Variants in BHLHE40 observed in about 807,000 individuals in gnomAD.
BHLHE40 encodes basic helix-loop-helix family member e40.
In BHLHE40, 3 loss-of-function variants were observed where a neutral mutation model predicts 35.7. That is an observed-to-expected ratio of 0.08 (90% confidence interval 0.04 to 0.22). BHLHE40 has a LOEUF of 0.22. Ranked by LOEUF, BHLHE40 falls within the 10% of genes least tolerant of loss-of-function variation. The pLI is 1.00. For synonymous variants in BHLHE40, 236 were observed against 213.0 expected (o/e 1.11, Z -0.94); for missense variants, 486 against 524.0 (o/e 0.93, Z 0.71).
chr3:4,981,360 C>A (rs778614032), intron 3 of BHLHE40, 32 bp from the exon 4 acceptor site: 1 of 1,611,390 alleles, frequency 6.2e-7, no homozygotes, highest in African/African-American at 1.3e-5. Flanking sequence ...CTTCTCTGAC[C>A]TCACCGCTGA....
At position 4,985,109 on chromosome 3, in the gene BHLHE40, TTATC is replaced by T. The variant is rs1312313257; in HGVS notation, c.*1421_*1424del. On this transcript the variant is annotated 3_prime_UTR_variant, in exon 5 of 5. Coordinates refer to ENST00000256495, the MANE Select transcript of BHLHE40 (RefSeq NM_003670.3). ...TGAAGGTGTAAAATTGTAAATATTTTTATCTATGAGTAAATGTTAAGTAGTTGTT... is the reference window on the plus strand; with the variant it reads ...TGAAGGTGTAAAATTGTAAATATTTTTATGAGTAAATGTTAAGTAGTTGTT... The T allele has an allele frequency of 5.9e-5, 9 of 152,564 alleles. No individual in the cohort carries two copies. The highest frequency in any genetic ancestry group is 2.2e-4 in the African/African-American group (9 of 41,436). 9.5% of individuals were successfully genotyped at this position (152,564 alleles called of 1,614,324 possible).
At position 4,983,493 on chromosome 3, in the gene BHLHE40, C is replaced by T; in HGVS notation, c.1040C>T (p.Ser347Leu). The T allele has an allele frequency of 6.2e-7, 1 of 1,614,190 alleles. No individual in the cohort carries two copies. Among genetic ancestry groups the T allele is most frequent in the Non-Finnish European group, 8.5e-7 (1 of 1,180,040 alleles). ...PMLEKCWYPT[S>L]VPVLYPGLNA... ...CTGGAGAAGTGCTGGTATCCCACCT[C>T]AGTGCCAGTGCTATACCCAGGCCTC... Residue 347 changes from serine to leucine, a missense_variant, in exon 5 of 5, where the codon TCA becomes TTA. Around this residue, in one of 5 missense-constraint regions of BHLHE40, gnomAD observed 206 missense variants for 208.9 expected, o/e 0.99. Coordinates refer to ENST00000256495, the MANE Select transcript of BHLHE40 (RefSeq NM_003670.3). This position sits in a 1 kb window ranked among gnomAD's most constrained non-coding sequence, Gnocchi z 5.0.
Position 4,982,891 on chromosome 3 carries a change from C to T in BHLHE40, c.438C>T (p.Phe146=), listed in dbSNP as rs761289332. Reference sequence around the variant, plus strand: ...GTCAAGAGATGTTCTGCTCAGGTTTCCAGACATGTGCCCGGGAGGTGCTTC... The same window carrying T: ...GTCAAGAGATGTTCTGCTCAGGTTTTCAGACATGTGCCCGGGAGGTGCTTC... ...ETGQEMFCSG[F]QTCAREVLQY... Residue 146 remains phenylalanine, a synonymous_variant, in exon 5 of 5, where the codon TTC becomes TTT. Transcript: ENST00000256495. The T allele has an allele frequency of 3.1e-6, 5 of 1,614,168 alleles. No individual in the cohort carries two copies. Among genetic ancestry groups the T allele is most frequent in the Non-Finnish European group, 8.5e-7 (1 of 1,180,040 alleles).
intron 2 of BHLHE40, 95 bp from the exon 3 acceptor site, chr3:4,980,206 C>T (rs1307840557): frequency 6.5e-6 from 8 of 1,229,234 alleles, no homozygotes; most frequent in East Asian, 4.7e-5. Context: ...TACTCTGCTA[C>T]TCTGCTCCTC....
At position 4,979,580 on chromosome 3, in the gene BHLHE40, G is replaced by A; in HGVS notation, c.-139G>A. 1.1e-6 allele frequency: 1 copy of A among 879,226 alleles called. No homozygotes were observed. The highest frequency in any genetic ancestry group is 1.7e-6 in the Non-Finnish European group (1 of 582,758). 54.5% of individuals were successfully genotyped at this position (879,226 alleles called of 1,614,324 possible). ...CTGCATCTCAAAGCCGAAGATTCCA[G>A]CAGCCCAGGGGATTTCAAAGAGCTC... On this transcript the variant is annotated 5_prime_UTR_variant, in exon 1 of 5. Transcript: ENST00000256495.
chr3:4,980,348 C>G lies in BHLHE40; in HGVS notation c.198C>G (p.Asp66Glu). Residue 66 changes from aspartate to glutamate, a missense_variant, in exon 3 of 5, where the codon GAC becomes GAG. This residue lies in a region of BHLHE40 where 11 missense variants were observed against 43.3 expected (regional missense o/e 0.25). Transcript: ENST00000256495. ...GGCTCATCGAGAAAAAGAGACGTGA[C>G]CGGATTAACGAGTGCATCGCCCAGC... is the stretch of plus-strand genomic sequence containing the variant. ...PHRLIEKKRRDRINECIAQLK... is the reference protein window; with the variant it reads ...PHRLIEKKRRERINECIAQLK... 1 of 1,614,138 alleles carries G rather than the reference C, an allele frequency of 6.2e-7. No individual in the cohort carries two copies. The highest frequency in any genetic ancestry group is 8.5e-7 in the Non-Finnish European group (1 of 1,180,006).
At chr3:4,979,820 C>G (rs781455472) in intron 1 of BHLHE40, 22 bp downstream of exon 1, 1 of 1,589,022 alleles carries the variant, frequency 6.3e-7, no homozygotes, top group East Asian at 2.3e-5. Context: ...CTCCTTGGCC[C>G]TTCAAGCCTC....
At chr3:4,979,890 G>A (rs1226121911) in intron 1 of BHLHE40, 72 bp from the exon 2 acceptor site, 10 of 1,609,258 alleles carry the variant, frequency 6.2e-6, no homozygotes, top group Non-Finnish European at 8.5e-6. Flanking sequence ...CGCACCGGGA[G>A]GTTCTTGCCC....
At position 4,985,024 on chromosome 3, in the gene BHLHE40, A is replaced by G. The variant is rs1458193427; in HGVS notation, c.*1332A>G. ...AATGAATGTATTCCTGTTTTTGAAG[A>G]GAAGAATAATTTTTTTTTTCTCTAG... On this transcript the variant is annotated 3_prime_UTR_variant, in exon 5 of 5. Transcript: ENST00000256495. 1 of 152,528 alleles carries G rather than the reference A, an allele frequency of 6.6e-6. No homozygotes were observed. Among genetic ancestry groups the G allele is most frequent in the Admixed American group, 6.5e-5 (1 of 15,284 alleles). The allele number at this position is 152,528 out of a possible 1,614,324, so 9.4% of individuals were successfully genotyped here. A position where few individuals can be genotyped will look rare whatever the true frequency, so the allele number is the denominator to read the frequency against.
chr3:4,980,558 T>C (rs2053183921), intron 3 of BHLHE40, 150 bp downstream of exon 3: 3 of 623,382 alleles, frequency 4.8e-6, no homozygotes, highest in Admixed American at 5.7e-5. Flanking sequence ...TCCTCCACAG[T>C]CCTGGCGTTT....
In BHLHE40 at chr3:4,984,773, A is replaced by T. The variant is rs2053232891; in HGVS notation, c.*1081A>T. On this transcript the variant is annotated 3_prime_UTR_variant, in exon 5 of 5. Transcript: ENST00000256495. ...AGAAGTTTTATTTTTGGTCCAGAGT[A>T]CTTGTTTTCCCGATGTGTCCAGCCA... The T allele has an allele frequency of 6.6e-6, 1 of 152,644 alleles. No individual in the cohort carries two copies. The highest frequency in any genetic ancestry group is 2.4e-5 in the African/African-American group (1 of 41,458). 9.5% of individuals were successfully genotyped at this position (152,644 alleles called of 1,614,324 possible). A position where few individuals can be genotyped will look rare whatever the true frequency, so the allele number is the denominator to read the frequency against.
chr3:4,981,685 G>A, intron 4 of BHLHE40, 170 bp downstream of exon 4: 1 of 836,522 alleles, frequency 1.2e-6, no homozygotes, highest in East Asian at 2.7e-5. Context: ...CATTTGAAAT[G>A]CATTGTGCCA....
At chr3:4,980,069 C>G (rs1045548677) in intron 2 of BHLHE40, 38 bp downstream of exon 2, 3 of 1,606,260 alleles carry the variant, frequency 1.9e-6, no homozygotes, top group Non-Finnish European at 2.6e-6. Context: ...GCGCTCAGCC[C>G]CTCGCGCGCG....
At position 4,983,383 on chromosome 3, in the gene BHLHE40, G is replaced by T. The variant is rs141581206; in HGVS notation, c.930G>T (p.Pro310=). ...CTAGCAGTGACCTGATCAGCTCCCC[G>T]TTCCTGGGCCCACACCCACACCAGC... ...HFTSSDLISS[P]FLGPHPHQPP... Residue 310 remains proline (P), a synonymous_variant, in exon 5 of 5, where the codon CCG becomes CCT. Coordinates refer to ENST00000256495, the MANE Select transcript of BHLHE40 (RefSeq NM_003670.3). The surrounding 1 kb of genome is among the most constrained non-coding windows in gnomAD (Gnocchi z 5.0). 5 of 1,614,002 alleles carry T rather than the reference G, an allele frequency of 3.1e-6. No individual in the cohort carries two copies. In the East Asian group the frequency reaches 1.1e-4, roughly 36 times the overall value.
In BHLHE40 at chr3:4,983,761, T is replaced by C. The variant is rs2053222456; in HGVS notation, c.*69T>C. 4.7e-6 allele frequency: 7 copies of C among 1,501,282 alleles called. No individual in the cohort carries two copies. Among genetic ancestry groups the C allele is most frequent in the East Asian group, 2.3e-5 (1 of 44,198 alleles). 93.0% of individuals were successfully genotyped at this position (1,501,282 alleles called of 1,614,324 possible). On this transcript the variant is annotated 3_prime_UTR_variant, in exon 5 of 5. Coordinates refer to ENST00000256495, the MANE Select transcript of BHLHE40 (RefSeq NM_003670.3). This position sits in a 1 kb window ranked among gnomAD's most constrained non-coding sequence, Gnocchi z 5.0. ...TTCCTAAAAAGCAACAAAAAAGTTTTTGTGAATGCTGCAAGATTGTTGCAT... is the reference window on the plus strand; with the variant it reads ...TTCCTAAAAAGCAACAAAAAAGTTTCTGTGAATGCTGCAAGATTGTTGCAT...
At chr3:4,981,734 C>G (rs1291741346) in intron 4 of BHLHE40, 3 of 489,602 alleles carry the variant, frequency 6.1e-6, no homozygotes, top group Non-Finnish European at 1.0e-5. Context: ...ATAAGATATT[C>G]CTGTGGCATT....
chr3:4,982,294 G>A (rs1370646956), intron 4 of BHLHE40, among the ~76,000 whole-genome samples: 2 of 152,164 alleles, frequency 1.3e-5, no homozygotes, highest in African/African-American at 4.8e-5. Context: ...TAGAATATGT[G>A]GAGAAGACAT....
Position 4,983,857 on chromosome 3 carries a change from T to C in BHLHE40, c.*165T>C, listed in dbSNP as rs1034589470. 2.1e-6 allele frequency: 2 copies of C among 947,362 alleles called. No individual in the cohort carries two copies. The highest frequency in any genetic ancestry group is 1.7e-5 in the South Asian group (1 of 58,482). The allele number at this position is 947,362 out of a possible 1,614,324, so 58.7% of individuals were successfully genotyped here. A position where few individuals can be genotyped will look rare whatever the true frequency, so the allele number is the denominator to read the frequency against. On this transcript the variant is annotated 3_prime_UTR_variant, in exon 5 of 5. Coordinates refer to ENST00000256495, the MANE Select transcript of BHLHE40 (RefSeq NM_003670.3). This position sits in a 1 kb window ranked among gnomAD's most constrained non-coding sequence, Gnocchi z 5.0. ...GTGTGTGTGTGTGTGTGTGTGTGTATGTGCGTGTGCGTGCACATGTGTGCC... is the reference window on the plus strand; with the variant it reads ...GTGTGTGTGTGTGTGTGTGTGTGTACGTGCGTGTGCGTGCACATGTGTGCC...
Position 4,979,500 on chromosome 3 carries a change from T to C in BHLHE40, c.-219T>C. 5.1e-6 allele frequency: 3 copies of C among 593,536 alleles called. No individual in the cohort carries two copies. Among genetic ancestry groups the C allele is most frequent in the Non-Finnish European group, 9.0e-6 (3 of 334,290 alleles). The allele number at this position is 593,536 out of a possible 1,614,324, so 36.8% of individuals were successfully genotyped here. A position where few individuals can be genotyped will look rare whatever the true frequency, so the allele number is the denominator to read the frequency against. ...GAGCACACACCGCCAGTCTGTGCGC[T>C]GAGTCGGAGCCAGAGGCCGCGGGGA... On this transcript the variant is annotated 5_prime_UTR_variant, in exon 1 of 5. Coordinates refer to ENST00000256495, the MANE Select transcript of BHLHE40 (RefSeq NM_003670.3).
Sources: gnomAD v4.1 joint callset for allele counts (sites outside exome capture counted in the v4.1 genomes callset) on GRCh38, gnomAD v4.1.1 for gene constraint, gnomAD v4.1.1 regional missense constraint, Gnocchi (gnomAD v3.1) non-coding constraint, MANE v1.5 for transcripts, NCBI Gene and HGNC (gene_info 2026-07-23, HGNC 2026-07-21) for gene names.